Variants in KDM4C observed in about 807,000 individuals in gnomAD.
The protein encoded by KDM4C is lysine demethylase 4C.
Under a neutral mutation model 129.3 loss-of-function variants are expected in KDM4C, and 81 were observed. The observed-to-expected ratio is 0.63, with a 90% CI of 0.52 to 0.75. The LOEUF is 0.75. KDM4C is among the 30% of genes least tolerant of loss of function. The probability of loss-of-function intolerance (pLI) is 0.00; values close to 1 mark genes in which losing one functional copy is unlikely to be tolerated. For missense variants in KDM4C, 1,457 were observed against 1,304.0 expected, an observed-to-expected ratio of 1.12 and a Z score of -1.81; for synonymous variants, 573 against 456.1, an observed-to-expected ratio of 1.26 and a Z score of -3.26.
chr9:6,964,206 A>G (rs1219408688), intron 8 of KDM4C, among the ~76,000 whole-genome samples: 1 of 151,920 alleles, frequency 6.6e-6, no homozygotes, highest in Non-Finnish European at 1.5e-5. Context: ...CATCATTTAC[A>G]TTAGGTATAT....
intron 18 of KDM4C, among the ~76,000 whole-genome samples, chr9:7,105,974 A>G (rs1180409858): frequency 2.0e-5 from 3 of 152,160 alleles, no homozygotes; most frequent in African/African-American, 4.8e-5. Flanking sequence ...ATAATTTACA[A>G]CATCACGTGA....
chr9:6,915,300 T>C (rs1286207943), intron 8 of KDM4C, among the ~76,000 whole-genome samples: 2 of 152,184 alleles, frequency 1.3e-5, no homozygotes, highest in East Asian at 3.9e-4. Flanking sequence ...TTGTTTTAGG[T>C]GCTTCAGATT....
At chr9:6,863,793 CA>C (rs999369554) in intron 5 of KDM4C, among the ~76,000 whole-genome samples, 2,390 of 70,282 alleles carry the variant, frequency 0.034, 44 homozygotes, top group East Asian at 0.2. Flanking sequence ...GACTCCATCT[CA>C]AAAAAAAAAA....
intron 11 of KDM4C, among the ~76,000 whole-genome samples, chr9:6,987,964 C>A: frequency 6.6e-6 from 1 of 150,954 alleles, no homozygotes; most frequent in Admixed American, 6.6e-5. Flanking sequence ...TCGAGATGAG[C>A]CTGGACAACA....
At chr9:6,844,902 G>A (rs1362360402) in intron 4 of KDM4C, among the ~76,000 whole-genome samples, 2 of 152,112 alleles carry the variant, frequency 1.3e-5, no homozygotes, top group Non-Finnish European at 2.9e-5. Flanking sequence ...TGGTCAGCCT[G>A]GTCTTGAACT....
At chr9:7,026,500 T>C (rs1329742575) in intron 15 of KDM4C, among the ~76,000 whole-genome samples, 2 of 152,200 alleles carry the variant, frequency 1.3e-5, no homozygotes, top group Admixed American at 1.3e-4. Flanking sequence ...TTTCTCTTGC[T>C]GCTTTTAGGA....
At chr9:6,844,486 C>A (rs1837507444) in intron 4 of KDM4C, among the ~76,000 whole-genome samples, 1 of 152,126 alleles carries the variant, frequency 6.6e-6, no homozygotes, top group Admixed American at 6.6e-5. Flanking sequence ...ATATGTTGTC[C>A]CACACAGCAC....
intron 6 of KDM4C, among the ~76,000 whole-genome samples, chr9:6,886,512 T>A (rs1168893792): frequency 6.7e-6 from 1 of 150,106 alleles, no homozygotes; most frequent in Non-Finnish European, 1.5e-5. Context: ...TTTTTTTTTT[T>A]GAGGAGTCTT....
chr9:6,852,164 A>T (rs1838967510), intron 5 of KDM4C, among the ~76,000 whole-genome samples: 1 of 152,202 alleles, frequency 6.6e-6, no homozygotes, highest in African/African-American at 2.4e-5. Context: ...TCCTCAGCAT[A>T]AATAATTTTG....
intron 1 of KDM4C, among the ~76,000 whole-genome samples, chr9:6,787,481 C>T (rs544391802): frequency 4.1e-4 from 63 of 152,366 alleles, no homozygotes; most frequent in African/African-American, 1.3e-3. Context: ...CATCTGCCTG[C>T]CTAGGCCTCC....
At chr9:6,916,884 G>C (rs1329797519) in intron 8 of KDM4C, among the ~76,000 whole-genome samples, 1 of 152,102 alleles carries the variant, frequency 6.6e-6, no homozygotes, top group African/African-American at 2.4e-5. Flanking sequence ...TTCTGTGCTT[G>C]GTGGATGGAC....
At chr9:6,814,536 G>A (rs772913998) in intron 3 of KDM4C, 95 bp from the exon 4 acceptor site, 2 of 697,186 alleles carry the variant, frequency 2.9e-6, no homozygotes, top group Non-Finnish European at 4.6e-6. Context: ...GTTTTGGTAG[G>A]ATTTTGTTTT....
intron 15 of KDM4C, among the ~76,000 whole-genome samples, chr9:7,042,327 G>A (rs537856344): frequency 6.6e-6 from 1 of 152,090 alleles, no homozygotes; most frequent in South Asian, 2.1e-4. Flanking sequence ...GTTCCTCTCA[G>A]TTAAATTTGA....
intron 15 of KDM4C, among the ~76,000 whole-genome samples, chr9:7,045,501 T>C (rs1829261487): frequency 6.6e-6 from 1 of 152,058 alleles, no homozygotes; most frequent in Non-Finnish European, 1.5e-5. Flanking sequence ...TAAAATGAAC[T>C]ACCAGAGTTC....
rs146971174 is a variant in KDM4C at position 6,967,186 on chromosome 9, G to T, written c.922-13739G>T. ...CACCTGTAATCCCAGCACTTGGGGA[G>T]GCCAAGGCAGGCGGATCACTTGAGG... On this transcript the variant is annotated intron_variant, in intron 8 of 21. Transcript: ENST00000381309. Among the ~76,000 whole-genome samples the T allele has an allele frequency of 3.3e-5, 5 of 152,274 alleles. No homozygotes were observed. The East Asian group carries it at 9.7e-4, about 29-fold the overall frequency.
chr9:6,937,304 T>C (rs539074643), intron 8 of KDM4C, among the ~76,000 whole-genome samples: 2 of 152,260 alleles, frequency 1.3e-5, no homozygotes, highest in Non-Finnish European at 1.5e-5. Flanking sequence ...AAAAAGCAAA[T>C]TAAAATTTAA....
chr9:6,959,501 C>T (rs897364933), intron 8 of KDM4C, among the ~76,000 whole-genome samples: 4 of 152,170 alleles, frequency 2.6e-5, no homozygotes, highest in African/African-American at 9.7e-5. Context: ...CATAGTGCCA[C>T]CTGATACACA....
intron 8 of KDM4C, among the ~76,000 whole-genome samples, chr9:6,917,584 C>T (rs1820550532): frequency 6.6e-6 from 1 of 152,166 alleles, no homozygotes; most frequent in Non-Finnish European, 1.5e-5. Flanking sequence ...TGCAGCCATC[C>T]CATTTCCTAT....
At chr9:6,745,783 A>G (rs1184096336) in intron 1 of KDM4C, among the ~76,000 whole-genome samples, 3 of 147,408 alleles carry the variant, frequency 2.0e-5, no homozygotes, top group Non-Finnish European at 4.5e-5. Context: ...GGACTAGTGC[A>G]TGCCACCATG....
Sources: allele counts gnomAD v4.1 joint callset (sites outside exome capture counted in the v4.1 genomes callset), GRCh38; gene constraint gnomAD v4.1.1; transcripts MANE v1.5; gene names NCBI Gene and HGNC (gene_info 2026-07-23, HGNC 2026-07-21).